The following PDE5A variants were observed in gnomAD, a reference collection of about 807,000 sequenced individuals.
PDE5A encodes the protein phosphodiesterase 5A.
PDE5A carries 67 observed loss-of-function variants against 110.2 expected under a neutral mutation model. That is an observed-to-expected ratio of 0.61 (90% confidence interval 0.50 to 0.75). The LOEUF (loss-of-function observed/expected upper bound fraction) is 0.75, where lower values mean the gene tolerates loss of function less well. Ranked by LOEUF, PDE5A falls within the 30% of genes least tolerant of loss-of-function variation. The pLI is 0.00. For missense variants in PDE5A, 862 were observed against 1,045.1 expected (o/e 0.82, Z 2.42); for synonymous variants, 328 against 351.2 (o/e 0.93, Z 0.74).
At chr4:119,543,072 A>G (rs961267133) in intron 9 of PDE5A, 7 of 156,932 alleles carry the variant, frequency 4.5e-5, no homozygotes, top group African/African-American at 1.7e-4. Flanking sequence ...ACACACACAC[A>G]CACACACACA....
At position 119,607,694 on chromosome 4, in the gene PDE5A, A is replaced by C. The variant is rs529783445; in HGVS notation, c.153-397T>G. On this transcript the variant is annotated intron_variant, in intron 1 of 20. Coordinates refer to ENST00000354960, the MANE Select transcript of PDE5A (RefSeq NM_001083.4). ...CGAGGCTGTAGTGAGGTATGATGAC[A>C]CCACTGCACCACTGCACTTCAGCCT... is the stretch of plus-strand genomic sequence containing the variant. Among the ~76,000 whole-genome samples the C allele has an allele frequency of 7.2e-5, 11 of 152,158 alleles. No homozygotes were observed. In the South Asian group the frequency reaches 2.3e-3, roughly 32 times the overall value.
At chr4:119,546,490 T>C (rs559166176) in intron 9 of PDE5A, among the ~76,000 whole-genome samples, 1 of 152,254 alleles carries the variant, frequency 6.6e-6, no homozygotes, top group South Asian at 2.1e-4. Flanking sequence ...ACCTATACCA[T>C]ATTTTTAATT....
At position 119,628,627 on chromosome 4, in the gene PDE5A, C is replaced by T. The variant is rs752263303; in HGVS notation, c.45G>A (p.Gln15=). 4 of 1,613,838 alleles carry T rather than the reference C, an allele frequency of 2.5e-6. No individual in the cohort carries two copies. Residue 15 remains glutamine (Q), a synonymous_variant, in exon 1 of 21, where the codon CAG becomes CAA. Transcript: ENST00000354960. ...GCTGCTGCTTCTGCTGCTGGGGCTGCTGCTGCTGTCGCTGCTGCCCGAAGC... is the reference window on the plus strand; with the variant it reads ...GCTGCTGCTTCTGCTGCTGGGGCTGTTGCTGCTGTCGCTGCTGCCCGAAGC... ...GPSFGQQRQQ[Q]QPQQQKQQQR...
At chr4:119,514,934 G>A (rs1046427055) in intron 14 of PDE5A, among the ~76,000 whole-genome samples, 5 of 152,140 alleles carry the variant, frequency 3.3e-5, no homozygotes, top group Non-Finnish European at 7.3e-5. Flanking sequence ...AGGTCACAGA[G>A]TAAGAGGAGA....
chr4:119,521,531 G>A lies in PDE5A; in HGVS notation c.1780-471C>T, dbSNP rs1323460270. ...TCCCATGCTCTCATGTTGTATATCC[G>A]TGAAGGTATTTAGTGCAAGGCCCTG... On this transcript the variant is annotated intron_variant, in intron 12 of 20. Coordinates refer to ENST00000354960, the MANE Select transcript of PDE5A (RefSeq NM_001083.4). Among the ~76,000 whole-genome samples, 9 of 151,906 alleles carry A rather than the reference G, an allele frequency of 5.9e-5. No individual in the cohort carries two copies. In the South Asian group the frequency reaches 1.2e-3, roughly 21 times the overall value.
intron 2 of PDE5A, among the ~76,000 whole-genome samples, chr4:119,597,785 T>C (rs953560918): frequency 3.3e-5 from 5 of 152,084 alleles, no homozygotes; most frequent in African/African-American, 1.2e-4. Context: ...TTACACTAGA[T>C]TCCATCAATT....
chr4:119,558,409 A>C (rs1042334059), intron 7 of PDE5A, among the ~76,000 whole-genome samples: 1 of 152,202 alleles, frequency 6.6e-6, no homozygotes, highest in Non-Finnish European at 1.5e-5. Context: ...TGATTTGCTT[A>C]CTGCTAACAT....
chr4:119,531,407 T>C (rs1296448020), intron 11 of PDE5A, among the ~76,000 whole-genome samples: 1 of 152,090 alleles, frequency 6.6e-6, no homozygotes, highest in Non-Finnish European at 1.5e-5. Flanking sequence ...GCATCCTGAG[T>C]AGCTGCGACT....
intron 11 of PDE5A, among the ~76,000 whole-genome samples, chr4:119,535,935 T>C (rs1254107843): frequency 2.0e-5 from 3 of 152,150 alleles, no homozygotes; most frequent in South Asian, 2.1e-4. Context: ...ATTTTGGTGA[T>C]TGCTGGATGA....
At position 119,504,622 on chromosome 4, in the gene PDE5A, A is replaced by C. The variant is rs3775841; in HGVS notation, c.2268-23T>G. ...GCCCTGTTATGGAAAAAAGAAACCC[A>C]AAACTCCTATTTACTTTTGTGTTAT... On this transcript the variant is annotated intron_variant, in intron 17 of 20. Coordinates refer to ENST00000354960, the MANE Select transcript of PDE5A (RefSeq NM_001083.4). 451,387 of 1,598,270 alleles carry C rather than the reference A, an allele frequency of 0.28. 65,051 individuals carry two copies. Among genetic ancestry groups the C allele is most frequent in the East Asian group, 0.36 (15,965 of 44,696 alleles).
intron 9 of PDE5A, among the ~76,000 whole-genome samples, chr4:119,547,135 ATTCT>A (rs1727160723): frequency 2.7e-5 from 4 of 146,764 alleles, no homozygotes; most frequent in Non-Finnish European, 1.5e-5. Context: ...TAAATAACAA[ATTCT>A]TTCTCAGTTA....
rs201347708 is a variant in PDE5A, at chr4:119,567,124, G to A, written c.852C>T (p.Ala284=). Residue 284 remains alanine (A), a synonymous_variant, in exon 4 of 21, where the codon GCC becomes GCT. Coordinates refer to ENST00000354960, the MANE Select transcript of PDE5A (RefSeq NM_001083.4). ...CACCGTTTCCTGATTTCTTGTTGAT[G>A]GCCTGGGCTACACCAACAACCTGGT... The part of the protein sequence containing the change: ...HREEVVGVAQ[A]INKKSGNGGT... The A allele has an allele frequency of 1.2e-3, 1,913 of 1,613,046 alleles. 2 individuals carry two copies. Among genetic ancestry groups the A allele is most frequent in the Non-Finnish European group, 1.5e-3 (1,776 of 1,179,322 alleles).
chr4:119,514,598 TTA>T (rs1464290329), intron 14 of PDE5A, among the ~76,000 whole-genome samples: 1 of 152,082 alleles, frequency 6.6e-6, no homozygotes, highest in Non-Finnish European at 1.5e-5. Flanking sequence ...ACACTACTGA[TTA>T]TCTCTTTGCA....
chr4:119,613,975 G>A (rs547708536), intron 1 of PDE5A, among the ~76,000 whole-genome samples: 3 of 151,702 alleles, frequency 2.0e-5, no homozygotes, highest in East Asian at 3.9e-4. Flanking sequence ...AAGGCACTCC[G>A]TAACATCTAG....
chr4:119,624,738 T>C (rs548718768), intron 1 of PDE5A, among the ~76,000 whole-genome samples: 11 of 152,344 alleles, frequency 7.2e-5, no homozygotes, highest in African/African-American at 2.4e-4. Context: ...TTTATTCTAA[T>C]ATGCTGTCAA....
chr4:119,511,047 T>C lies in PDE5A; in HGVS notation c.2088A>G (p.Pro696=), dbSNP rs775856616. ...FDQCLMILNS[P]GNQILSGLSI... ...CCACAACAATAAATTAGGTACTTACTGGACTATTAAGAATCATCAGGCACT... is the reference window on the plus strand; with the variant it reads ...CCACAACAATAAATTAGGTACTTACCGGACTATTAAGAATCATCAGGCACT... Residue 696 remains proline (P), a splice_region_variant and synonymous_variant, in exon 15 of 21, where the codon CCA becomes CCG. Coordinates refer to ENST00000354960, the MANE Select transcript of PDE5A (RefSeq NM_001083.4). 3.9e-6 allele frequency: 6 copies of C among 1,546,690 alleles called. No individual in the cohort carries two copies. Among genetic ancestry groups the C allele is most frequent in the Non-Finnish European group, 5.3e-6 (6 of 1,124,362 alleles).
chr4:119,543,045 T>TAC (rs70944890), intron 9 of PDE5A: 2,016 of 124,424 alleles, frequency 0.016, 32 homozygotes, highest in African/African-American at 0.028. Flanking sequence ...AAGTTAAACA[T>TAC]ACACACACAC....
chr4:119,609,214 T>C (rs1445280358), intron 1 of PDE5A, among the ~76,000 whole-genome samples: 1 of 152,202 alleles, frequency 6.6e-6, no homozygotes, highest in Non-Finnish European at 1.5e-5. Flanking sequence ...TAAATGTATG[T>C]ATCCTTTGTT....
At chr4:119,605,516 G>A (rs925614735) in intron 2 of PDE5A, among the ~76,000 whole-genome samples, 14 of 151,824 alleles carry the variant, frequency 9.2e-5, no homozygotes, top group South Asian at 4.2e-4. Flanking sequence ...ATGTGGTGGC[G>A]GGTACCTGTA....
Sources: allele counts gnomAD v4.1 joint callset (sites outside exome capture counted in the v4.1 genomes callset), GRCh38; gene constraint gnomAD v4.1.1; transcripts MANE v1.5; gene names NCBI Gene and HGNC (gene_info 2026-07-23, HGNC 2026-07-21).